SPIDR: variants seen among roughly 807,000 people sequenced by gnomAD.
The protein encoded by SPIDR is scaffold protein involved in DNA repair, also known as DNA repair-scaffolding protein.
A neutral mutation model predicts 104.6 loss-of-function variants in SPIDR; 93 were observed. That is an observed-to-expected ratio of 0.89 (90% CI 0.75 to 1.06). The LOEUF is 1.06. SPIDR is among the 50% of genes least tolerant of loss of function. The probability of loss-of-function intolerance (pLI) is 0.00; values close to 1 mark genes in which losing one functional copy is unlikely to be tolerated. For missense variants in SPIDR, 1,154 were observed against 1,111.2 expected, an observed-to-expected ratio of 1.04 and a Z score of -0.55; for synonymous variants, 431 against 416.9, an observed-to-expected ratio of 1.03 and a Z score of -0.41.
At chr8:47,524,904 C>G (rs1390027752) in intron 8 of SPIDR, among the ~76,000 whole-genome samples, 1 of 152,124 alleles carries the variant, frequency 6.6e-6, no homozygotes, top group Admixed American at 6.5e-5. Flanking sequence ...ATTTCTGATA[C>G]AATTTAGTAA....
At position 47,421,344 on chromosome 8, in the gene SPIDR, C is replaced by CTTCAT. The variant is rs1353756415; in HGVS notation, c.877+13390_877+13394dup. Reference sequence around the variant, plus strand: ...TTTTTTCTCTAAACTTCTCTTCTCACTTCATTTCATTCATTTTATCTTCCA... The same window carrying CTTCAT: ...TTTTTTCTCTAAACTTCTCTTCTCACTTCATTTCATTTCATTCATTTTATCTTCCA... On this transcript the variant is annotated intron_variant, in intron 7 of 19. Transcript: ENST00000297423. 4.6e-5 allele frequency among the ~76,000 whole-genome samples: 7 copies of CTTCAT among 152,292 alleles called. No homozygotes were observed. In the East Asian group the frequency reaches 1.3e-3, roughly 29 times the overall value.
At chr8:47,338,165 G>T (rs2050113792) in intron 5 of SPIDR, among the ~76,000 whole-genome samples, 1 of 152,106 alleles carries the variant, frequency 6.6e-6, no homozygotes, top group African/African-American at 2.4e-5. Context: ...TGGTGGTGGT[G>T]TGTGGGAGGC....
At chr8:47,604,940 T>A (rs1040932859) in intron 10 of SPIDR, among the ~76,000 whole-genome samples, 7 of 152,212 alleles carry the variant, frequency 4.6e-5, no homozygotes, top group African/African-American at 1.7e-4. Flanking sequence ...GTATGTACAT[T>A]CATTTTGTTT....
chr8:47,560,897 A>G (rs2056978743), intron 8 of SPIDR, among the ~76,000 whole-genome samples: 1 of 152,162 alleles, frequency 6.6e-6, no homozygotes, highest in South Asian at 2.1e-4. Flanking sequence ...CTGCTGCACA[A>G]TGAAACTGTT....
intron 10 of SPIDR, among the ~76,000 whole-genome samples, chr8:47,641,799 T>C (rs751792433): frequency 6.6e-6 from 1 of 152,156 alleles, no homozygotes; most frequent in Non-Finnish European, 1.5e-5. Context: ...CAGCCCACCA[T>C]GTGTAAGAAC....
At chr8:47,601,677 T>A (rs941683335) in intron 10 of SPIDR, among the ~76,000 whole-genome samples, 1 of 152,082 alleles carries the variant, frequency 6.6e-6, no homozygotes, top group African/African-American at 2.4e-5. Context: ...TGGGGACAGA[T>A]GAGACTTCCG....
At chr8:47,451,310 G>A (rs1381851333) in intron 8 of SPIDR, among the ~76,000 whole-genome samples, 1 of 152,138 alleles carries the variant, frequency 6.6e-6, no homozygotes, top group African/African-American at 2.4e-5. Flanking sequence ...ATTGGGTGTG[G>A]TGACTTAACG....
At chr8:47,400,677 C>CTTT (rs35140121) in intron 6 of SPIDR, among the ~76,000 whole-genome samples, 9 of 139,556 alleles carry the variant, frequency 6.4e-5, no homozygotes, top group East Asian at 4.1e-4. Context: ...TTCTTTCTTT[C>CTTT]TTTTTTTTTT....
At chr8:47,328,757 T>C (rs1357624607) in intron 5 of SPIDR, among the ~76,000 whole-genome samples, 1 of 152,218 alleles carries the variant, frequency 6.6e-6, no homozygotes, top group Non-Finnish European at 1.5e-5. Context: ...TTTAATGTTA[T>C]TGTTGATATA....
At chr8:47,648,520 G>A (rs1588799709) in intron 10 of SPIDR, among the ~76,000 whole-genome samples, 1 of 152,254 alleles carries the variant, frequency 6.6e-6, no homozygotes, top group East Asian at 1.9e-4. Context: ...TGTGTGAGAG[G>A]GTGTATGTGT....
At chr8:47,629,101 C>G (rs2154441284) in intron 10 of SPIDR, among the ~76,000 whole-genome samples, 1 of 152,252 alleles carries the variant, frequency 6.6e-6, no homozygotes, top group East Asian at 1.9e-4. Flanking sequence ...AGCTAGATGA[C>G]TTAAGGAAAA....
intron 7 of SPIDR, among the ~76,000 whole-genome samples, chr8:47,417,651 G>T (rs2064600210): frequency 6.6e-6 from 1 of 152,086 alleles, no homozygotes. Context: ...GTCAATTTTG[G>T]CTTTTGTTGC....
chr8:47,601,745 T>C (rs1196359149), intron 10 of SPIDR, among the ~76,000 whole-genome samples: 1 of 152,210 alleles, frequency 6.6e-6, no homozygotes. Flanking sequence ...AGATTAAGGC[T>C]GACCCAGGGT....
intron 5 of SPIDR, among the ~76,000 whole-genome samples, chr8:47,311,772 G>T (rs2044211508): frequency 6.6e-6 from 1 of 151,834 alleles, no homozygotes; most frequent in Non-Finnish European, 1.5e-5. Flanking sequence ...ACAATGTGCG[G>T]GTTTGTTACA....
At chr8:47,495,506 C>G (rs1004701589) in intron 8 of SPIDR, among the ~76,000 whole-genome samples, 5 of 152,036 alleles carry the variant, frequency 3.3e-5, no homozygotes, top group South Asian at 2.1e-4. Flanking sequence ...TTCATTACCC[C>G]GAATAGAAAC....
intron 9 of SPIDR, 73 bp from the exon 10 acceptor site, chr8:47,598,873 G>A (rs2061930718): frequency 1.3e-6 from 2 of 1,578,988 alleles, no homozygotes; most frequent in Middle Eastern, 3.4e-4. Context: ...TTGGTGTGCA[G>A]CATGTTGCTT....
chr8:47,732,100 C>T (rs552287994), intron 19 of SPIDR: 4 of 701,842 alleles, frequency 5.7e-6, no homozygotes, highest in Non-Finnish European at 1.0e-5. Context: ...CAGTGCTTGA[C>T]ACCCGTTCCA....
chr8:47,352,298 A>C (rs1490359165), intron 5 of SPIDR, among the ~76,000 whole-genome samples: 1 of 151,460 alleles, frequency 6.6e-6, no homozygotes, highest in African/African-American at 2.4e-5. Flanking sequence ...AAAAAGAAAG[A>C]AAGAAAATAA....
At position 47,397,143 on chromosome 8, in the gene SPIDR, G is replaced by A. The variant is rs186140212; in HGVS notation, c.776+517G>A. Among the ~76,000 whole-genome samples the A allele has an allele frequency of 3.7e-4, 57 of 152,138 alleles. 1 individual carries two copies. The highest frequency in any genetic ancestry group is 4.3e-4 in the Non-Finnish European group (29 of 68,000). On this transcript the variant is annotated intron_variant, in intron 6 of 19. Transcript: ENST00000297423. ...GCCTGTAGGGACCTTCCCCAACCCCGTGTAATACAAGGTGCTCTTTGTTGT... is the reference window on the plus strand; with the variant it reads ...GCCTGTAGGGACCTTCCCCAACCCCATGTAATACAAGGTGCTCTTTGTTGT...
Sources: allele counts gnomAD v4.1 joint callset (sites outside exome capture counted in the v4.1 genomes callset), GRCh38; gene constraint gnomAD v4.1.1; transcripts MANE v1.5; gene names NCBI Gene and HGNC (gene_info 2026-07-23, HGNC 2026-07-21).